Variants in VIL1 observed in about 807,000 individuals in gnomAD.
The protein encoded by VIL1 is villin-1.
VIL1 carries 86 observed loss-of-function variants against 104.0 expected under a neutral mutation model. The observed-to-expected ratio is 0.83, with a 90% CI of 0.69 to 0.99. VIL1 has a LOEUF of 0.99. Among genes scored for constraint, VIL1 ranks in the 50% least tolerant of loss-of-function variants. The pLI is 0.00. For synonymous variants in VIL1, 394 were observed against 412.6 expected, an observed-to-expected ratio of 0.95 and a Z score of 0.55; for missense variants, 944 against 1,054.1, an observed-to-expected ratio of 0.90 and a Z score of 1.45.
chr2:218,441,844 G>A (rs1472588478), intron 19 of VIL1, among the ~76,000 whole-genome samples: 6 of 151,952 alleles, frequency 3.9e-5, no homozygotes, highest in African/African-American at 9.7e-5. Context: ...AAAAATAGCC[G>A]GGCATGGTGG....
chr2:218,432,237 A>G, intron 12 of VIL1, 54 bp downstream of exon 12: 10 of 1,584,580 alleles, frequency 6.3e-6, no homozygotes, highest in Non-Finnish European at 8.6e-6. Context: ...TCTGCCTTGT[A>G]CATACTCCTG....
At chr2:218,424,450 T>A (rs1324615317) in intron 3 of VIL1, 99 bp downstream of exon 3, 1 of 1,312,806 alleles carries the variant, frequency 7.6e-7, no homozygotes, top group African/African-American at 1.4e-5. Context: ...TTGGCCTGGC[T>A]TCACCCCAAG....
rs1405972316 is a variant in VIL1, at chr2:218,429,341, AGGCGTGGT to A, written c.627_634del (p.Val210ArgfsTer4). ...AGGAGCGGGGAGGGCGCACCTATGT[AGGCGTGGT>A]GGACGGAGAGAATGAATTGGCATCC... On this transcript the variant is annotated frameshift_variant, in exon 7 of 20. Transcript: ENST00000248444. LOFTEE classifies it high-confidence loss of function. 6.2e-7 allele frequency: 1 copy of A among 1,614,104 alleles called. No individual in the cohort carries two copies. The highest frequency in any genetic ancestry group is 1.7e-5 in the Admixed American group (1 of 60,022).
rs761740141 is a variant in VIL1, at chr2:218,427,958, T to C, written c.348-7T>C. 4.1e-5 allele frequency: 66 copies of C among 1,613,630 alleles called. No homozygotes were observed. The highest frequency in any genetic ancestry group is 5.5e-5 in the Non-Finnish European group (65 of 1,179,886). ...ACTTCCTTGGGTCAGCTCACCTCTC[T>C]TCTCAGGATCCGGAAAGGGGGCGTG... is the stretch of plus-strand genomic sequence containing the variant. On this transcript the variant is annotated splice_region_variant and splice_polypyrimidine_tract_variant and intron_variant, in intron 4 of 19. Transcript: ENST00000248444.
At chr2:218,440,599 A>T in intron 18 of VIL1, 123 bp from the exon 19 acceptor site, 1 of 1,140,806 alleles carries the variant, frequency 8.8e-7, no homozygotes, top group Non-Finnish European at 1.3e-6. Context: ...TGTGTGTGGC[A>T]GGGTGGGGTG....
intron 12 of VIL1, 78 bp from the exon 13 acceptor site, chr2:218,432,715 A>T: frequency 1.3e-6 from 2 of 1,571,704 alleles, no homozygotes; most frequent in Admixed American, 1.7e-5. Flanking sequence ...TTGAGGATGG[A>T]GTTGTTGCTG....
intron 10 of VIL1, 115 bp from the exon 11 acceptor site, chr2:218,431,742 T>G: frequency 1.2e-6 from 1 of 866,370 alleles, no homozygotes; most frequent in East Asian, 2.7e-5. Context: ...CTCTCTTGCC[T>G]CGGTTTCCTC....
At chr2:218,420,106 G>A (rs944787209) in intron 1 of VIL1, among the ~76,000 whole-genome samples, 1 of 152,096 alleles carries the variant, frequency 6.6e-6, no homozygotes, top group African/African-American at 2.4e-5. Context: ...CAACAGAGCC[G>A]CAACTCAAGT....
At chr2:218,434,197 C>CA (rs772237911) in intron 13 of VIL1, among the ~76,000 whole-genome samples, 4,607 of 92,060 alleles carry the variant, frequency 0.05, 300 homozygotes, top group African/African-American at 0.15. Flanking sequence ...AACTCCGTCT[C>CA]AAAAAAAAAA....
rs541223950 is a variant in VIL1, at chr2:218,432,218, C to A, written c.1341+35C>A. ...CGCCACGTCCCACCCAGAGCACAGCCGGCTTAGCTCTGCCTTGTACATACT... is the reference window on the plus strand; with the variant it reads ...CGCCACGTCCCACCCAGAGCACAGCAGGCTTAGCTCTGCCTTGTACATACT... On this transcript the variant is annotated intron_variant, in intron 12 of 19. Coordinates refer to ENST00000248444, the MANE Select transcript of VIL1 (RefSeq NM_007127.3). 16 of 1,600,432 alleles carry A rather than the reference C, an allele frequency of 1.0e-5. 2 individuals are homozygous for A. The South Asian group carries it at 1.8e-4, about 18-fold the overall frequency.
chr2:218,423,679 C>T (rs1047388327), intron 1 of VIL1, 89 bp from the exon 2 acceptor site: 2 of 1,354,696 alleles, frequency 1.5e-6, no homozygotes, highest in East Asian at 2.4e-5. Context: ...CCTGCGACCT[C>T]CTGGCACTGT....
chr2:218,448,126 G>T (rs917747970), intron 19 of VIL1, among the ~76,000 whole-genome samples: 3 of 152,012 alleles, frequency 2.0e-5, no homozygotes, highest in African/African-American at 7.2e-5. Context: ...CAGGTGTGGT[G>T]GTGCATGCCT....
chr2:218,422,257 AAAAT>A (rs548150052), intron 1 of VIL1, among the ~76,000 whole-genome samples: 2 of 152,210 alleles, frequency 1.3e-5, no homozygotes, highest in African/African-American at 4.8e-5. Flanking sequence ...CTCTGTCCCA[AAAAT>A]AAATAAATAA....
In VIL1 at chr2:218,451,044, A is replaced by C. The variant is rs1450485587; in HGVS notation, c.*1708A>C. The C allele has an allele frequency of 6.6e-6, 1 of 152,172 alleles. No individual in the cohort carries two copies. Among genetic ancestry groups the C allele is most frequent in the Non-Finnish European group, 1.5e-5 (1 of 68,036 alleles). The allele number at this position is 152,172 out of a possible 1,614,324, so 9.4% of individuals were successfully genotyped here. The stretch of plus-strand genomic sequence containing the variant: ...GTCACAAAACTTTCAAGGCCTAACA[A>C]ATTAGAATTTTCCAATAAAAAATAT... On this transcript the variant is annotated 3_prime_UTR_variant, in exon 20 of 20. Coordinates refer to ENST00000248444, the MANE Select transcript of VIL1 (RefSeq NM_007127.3).
At position 218,430,887 on chromosome 2, in the gene VIL1, C is replaced by A. The variant is rs1689085050; in HGVS notation, c.1102+9C>A. The A allele has an allele frequency of 5.6e-6, 9 of 1,608,152 alleles. No homozygotes were observed. The highest frequency in any genetic ancestry group is 7.6e-6 in the Non-Finnish European group (9 of 1,177,362). ...CACTGTGGGCTCCGTGGGTGAGGGC[C>A]AGGCGGGGGCAGTGAGGGAGCCAGG... On this transcript the variant is annotated intron_variant, in intron 10 of 19. Coordinates refer to ENST00000248444, the MANE Select transcript of VIL1 (RefSeq NM_007127.3).
rs1264781698 is a variant in VIL1, at chr2:218,435,349, G to C, written c.1741G>C (p.Glu581Gln). ...GGTTGCTGACACCATCTCCCGGACG[G>C]AGAAGCAAGTGGTGGTGGAAGGGCA... ...KMVADTISRT[E>Q]KQVVVEGQEP... The change falls in exon 15 of 20, where the codon GAG (glutamate) becomes CAG (glutamine). Residue 581 changes from glutamate (E) to glutamine (Q), a missense_variant. Coordinates refer to ENST00000248444, the MANE Select transcript of VIL1 (RefSeq NM_007127.3). 2 of 1,614,028 alleles carry C rather than the reference G, an allele frequency of 1.2e-6. No individual in the cohort carries two copies. The highest frequency in any genetic ancestry group is 1.7e-6 in the Non-Finnish European group (2 of 1,180,006).
At chr2:218,425,852 T>G (rs756799864) in intron 4 of VIL1, 41 bp downstream of exon 4, 4 of 1,566,542 alleles carry the variant, frequency 2.6e-6, no homozygotes, top group Non-Finnish European at 2.6e-6. Context: ...TGAGGATGAG[T>G]GGTAGGGATA....
At chr2:218,444,167 A>G (rs750948001) in intron 19 of VIL1, among the ~76,000 whole-genome samples, 1 of 150,902 alleles carries the variant, frequency 6.6e-6, no homozygotes, top group Non-Finnish European at 1.5e-5. Context: ...ACAGGGTTTC[A>G]CCAGATTGGT....
chr2:218,437,596 T>G (rs757299878), intron 17 of VIL1, among the ~76,000 whole-genome samples: 1 of 152,232 alleles, frequency 6.6e-6, no homozygotes, highest in Non-Finnish European at 1.5e-5. Context: ...TTACTTAAAT[T>G]AAAATTAAAC....
Sources: allele counts gnomAD v4.1 joint callset (sites outside exome capture counted in the v4.1 genomes callset), GRCh38; gene constraint gnomAD v4.1.1; transcripts MANE v1.5; gene names NCBI Gene and HGNC (gene_info 2026-07-23, HGNC 2026-07-21).